The following TEP1 variants were observed in gnomAD, a reference collection of about 807,000 sequenced individuals.
The protein encoded by TEP1 is telomerase associated protein 1, also known as telomerase protein component 1.
In TEP1, 241 loss-of-function variants were observed where a neutral mutation model predicts 306.3. The ratio of observed to expected loss-of-function variants is 0.79; its 90% CI spans 0.71 to 0.88. The LOEUF is 0.88. TEP1 is among the 40% of genes least tolerant of loss of function. The probability of loss-of-function intolerance (pLI) is 0.00; values close to 1 mark genes in which losing one functional copy is unlikely to be tolerated. For missense variants in TEP1, 3,051 were observed against 3,276.1 expected (o/e 0.93, Z 1.68); for synonymous variants, 1,289 against 1,305.5 (o/e 0.99, Z 0.27).
chr14:20,390,875 C>T, intron 14 of TEP1, 63 bp downstream of exon 14: 1 of 1,610,702 alleles, frequency 6.2e-7, no homozygotes, highest in Non-Finnish European at 8.5e-7. Flanking sequence ...TACCAAATAT[C>T]TGGGCTATTC....
chr14:20,405,806 G>C (rs938452890), intron 3 of TEP1, among the ~76,000 whole-genome samples: 1 of 152,122 alleles, frequency 6.6e-6, no homozygotes, highest in African/African-American at 2.4e-5. Flanking sequence ...CTGAGGTCAG[G>C]AGTTCGAGAG....
chr14:20,396,399 T>C (rs1236423627), intron 10 of TEP1, among the ~76,000 whole-genome samples: 1 of 152,208 alleles, frequency 6.6e-6, no homozygotes, highest in African/African-American at 2.4e-5. Flanking sequence ...AAATGAAAGT[T>C]CTTATACTCT....
Position 20,378,058 on chromosome 14 carries a change from C to A in TEP1, c.5687G>T (p.Gly1896Val), listed in dbSNP as rs1566446876. The change falls in exon 39 of 55, where the codon GGT becomes GTT. Residue 1896 changes from glycine to valine, a missense_variant. Gly to Val is a moderately radical substitution (Grantham distance 109). Coordinates refer to ENST00000262715, the MANE Select transcript of TEP1 (RefSeq NM_007110.5). The stretch of plus-strand genomic sequence containing the variant: ...CTCTCCAGCCGTCAGTAACTGGCAA[C>A]CCGCATGCAGGAAAAGCGCAGCAGC... ...FVAAALFLHA[G>V]CQLLTAGEDG... 31 of 1,613,694 alleles carry A rather than the reference C, an allele frequency of 1.9e-5. No individual in the cohort carries two copies. Among genetic ancestry groups the A allele is most frequent in the Non-Finnish European group, 2.5e-5 (29 of 1,180,038 alleles).
Position 20,408,146 on chromosome 14 carries a change from A to G in TEP1, c.294T>C (p.Val98=), listed in dbSNP as rs3748336. 3,507 of 1,585,812 alleles carry G rather than the reference A, an allele frequency of 2.2e-3. 142 individuals carry two copies. The East Asian group carries it at 0.073, about 33-fold the overall frequency. ...AGGAGAGGATGTCTGGGTGGGCAGA[A>G]ACATGTCCATGTGGTTTCTCCATGG... ...LKTMEKPHGH[V]SAHPDILSLE... is the part of the protein sequence containing the mutation. Residue 98 remains valine, a synonymous_variant, in exon 2 of 55, where the codon GTT becomes GTC. Coordinates refer to ENST00000262715, the MANE Select transcript of TEP1 (RefSeq NM_007110.5).
At chr14:20,388,165 G>T in intron 17 of TEP1, 102 bp from the exon 18 acceptor site, 1 of 1,300,686 alleles carries the variant, frequency 7.7e-7, no homozygotes, top group South Asian at 1.3e-5. Flanking sequence ...CAGGTTTGGT[G>T]ACCAGTTAAG....
Position 20,400,991 on chromosome 14 carries a change from T to C in TEP1, c.1542A>G (p.Glu514=). The change falls in exon 9 of 55, where the codon GAA becomes GAG. Residue 514 remains glutamate (E), a synonymous_variant. Transcript: ENST00000262715. ...LRGNKASVWE[E]LIENGKLPFM... is the part of the protein sequence containing the mutation. ...TGGTCAAGGTCACTCTACCAATGAG[T>C]TCCTCCCAGACCGACGCTTTGTTCC... 6.2e-7 allele frequency: 1 copy of C among 1,613,884 alleles called. No individual in the cohort carries two copies. The highest frequency in any genetic ancestry group is 1.1e-5 in the South Asian group (1 of 91,044).
intron 12 of TEP1, 127 bp from the exon 13 acceptor site, chr14:20,391,894 C>T (rs1877760360): frequency 1.1e-6 from 1 of 940,604 alleles, no homozygotes; most frequent in African/African-American, 1.6e-5. Flanking sequence ...ATACCCGCTT[C>T]CACAGCCCAC....
Position 20,382,058 on chromosome 14 carries a change from T to A in TEP1, c.4279A>T (p.Thr1427Ser), listed in dbSNP as rs770822923. ...AGCACTCCGTGCAGCTGGTCCACAGTCAAACCTGAAAACTCAAGCTCTCTG... is the reference window on the plus strand; with the variant it reads ...AGCACTCCGTGCAGCTGGTCCACAGACAAACCTGAAAACTCAAGCTCTCTG... Reference protein sequence around the residue: ...TALEVTRSGLTVDQLHGVLSV... With the variant: ...TALEVTRSGLSVDQLHGVLSV... Residue 1427 changes from threonine (T) to serine (S), a missense_variant, in exon 30 of 55, where the codon ACT becomes TCT. Around this residue, in one of 3 missense-constraint regions of TEP1, gnomAD observed 1,540 missense variants for 1,705.9 expected, o/e 0.90. Transcript: ENST00000262715. 5.0e-6 allele frequency: 8 copies of A among 1,613,908 alleles called. No homozygotes were observed. The highest frequency in any genetic ancestry group is 4.4e-5 in the South Asian group (4 of 91,076).
rs528443455 is a variant in TEP1 at position 20,379,901 on chromosome 14, T to TA, written c.5127+28dup. 5.1e-4 allele frequency: 806 copies of TA among 1,595,732 alleles called. 4 individuals are homozygous for TA. The African/African-American group carries it at 9.5e-3, about 19-fold the overall frequency. The stretch of plus-strand genomic sequence containing the variant: ...GCAGTCTGCATGGATTTTCAGAGGG[T>TA]AAATTCTGCCCCTCCTTGATTGTCA... On this transcript the variant is annotated intron_variant, in intron 35 of 54. Transcript: ENST00000262715.
At chr14:20,371,783 T>C in intron 49 of TEP1, 151 bp from the exon 50 acceptor site, 1 of 957,618 alleles carries the variant, frequency 1.0e-6, no homozygotes. Context: ...TGGTTTTTGT[T>C]TTTTAACATT....
chr14:20,389,196 C>A (rs1299229174), intron 17 of TEP1, 42 bp downstream of exon 17: 14 of 1,583,786 alleles, frequency 8.8e-6, no homozygotes, highest in Non-Finnish European at 1.0e-5. Flanking sequence ...TAAAAACTTT[C>A]CAACAAAGTA....
At position 20,371,565 on chromosome 14, in the gene TEP1, C is replaced by T. The variant is rs1884842360; in HGVS notation, c.7144G>A (p.Gly2382Ser). 1 of 1,606,966 alleles carries T rather than the reference C, an allele frequency of 6.2e-7. No homozygotes were observed. Among genetic ancestry groups the T allele is most frequent in the Non-Finnish European group, 8.5e-7 (1 of 1,178,564 alleles). The change falls in exon 50 of 55, where the codon GGT becomes AGT. Residue 2382 changes from glycine to serine, a missense_variant. Gly to Ser is a moderately conservative substitution (Grantham distance 56). This residue lies in a region of TEP1 where 1,540 missense variants were observed against 1,705.9 expected (regional missense o/e 0.90). Transcript: ENST00000262715. ...GCTTTGGCCAAGATGAGAAAGTGAC[C>T]ATCAGGAGCCCAATCCAGACTTGTC... is the stretch of plus-strand genomic sequence containing the variant. ...VLTSLDWAPD[G>S]HFLILAKADL...
At chr14:20,382,776 C>T (rs2139062078) in intron 27 of TEP1, 61 bp from the exon 28 acceptor site, 1 of 1,512,486 alleles carries the variant, frequency 6.6e-7, no homozygotes, top group East Asian at 2.3e-5. Flanking sequence ...AGCCCTCTGC[C>T]CCAGCACCAG....
chr14:20,378,240 C>T lies in TEP1; in HGVS notation c.5509-4G>A. The T allele has an allele frequency of 1.2e-6, 2 of 1,613,654 alleles. No homozygotes were observed. The highest frequency in any genetic ancestry group is 1.7e-6 in the Non-Finnish European group (2 of 1,180,016). On this transcript the variant is annotated splice_region_variant and splice_polypyrimidine_tract_variant and intron_variant, in intron 38 of 54. Coordinates refer to ENST00000262715, the MANE Select transcript of TEP1 (RefSeq NM_007110.5). ...AGGCTCCGGGTGCCCCCAGGTCCTA[C>T]ACAGGGAGGTAGAAATGGAAACGTG...
At position 20,385,103 on chromosome 14, in the gene TEP1, G is replaced by C; in HGVS notation, c.2989C>G (p.Gln997Glu). 6.2e-7 allele frequency: 1 copy of C among 1,613,984 alleles called. No homozygotes were observed. The highest frequency in any genetic ancestry group is 8.5e-7 in the Non-Finnish European group (1 of 1,179,974). Residue 997 changes from glutamine to glutamate, a missense_variant, in exon 21 of 55, where the codon CAG (glutamine) becomes GAG (glutamate). Transcript: ENST00000262715. ...PDHPHFHWAQ[Q>E]YPSGRSVTEM... ...GTCACAGAGCGCCCTGAAGGGTACTGCTGGGCCTGCGGGGAGGACAGAGAC... is the reference window on the plus strand; with the variant it reads ...GTCACAGAGCGCCCTGAAGGGTACTCCTGGGCCTGCGGGGAGGACAGAGAC...
intron 49 of TEP1, among the ~76,000 whole-genome samples, chr14:20,372,378 G>A (rs55871117): frequency 3.7e-3 from 253 of 68,844 alleles, no homozygotes; most frequent in African/African-American, 0.011. Context: ...GTGTGTGTGT[G>A]TATGTGTGTG....
In TEP1 at chr14:20,372,872, A is replaced by G. The variant is rs752854519; in HGVS notation, c.6952-15T>C. On this transcript the variant is annotated splice_polypyrimidine_tract_variant and intron_variant, in intron 48 of 54. Transcript: ENST00000262715. ...TGGCCTGGAGCCTGGTGTACACAAC[A>G]AGTTCAATTCAGTGCTTCTGATGAG... 23 of 1,614,056 alleles carry G rather than the reference A, an allele frequency of 1.4e-5. No homozygotes were observed. The African/African-American group carries it at 2.4e-4, about 17-fold the overall frequency.
rs1248348069 is a variant in TEP1, at chr14:20,381,273, C to T, written c.4647+40G>A. 1 of 1,590,106 alleles carries T rather than the reference C, an allele frequency of 6.3e-7. No homozygotes were observed. Among genetic ancestry groups the T allele is most frequent in the African/African-American group, 1.3e-5 (1 of 74,452 alleles). On this transcript the variant is annotated intron_variant, in intron 32 of 54. Coordinates refer to ENST00000262715, the MANE Select transcript of TEP1 (RefSeq NM_007110.5). The surrounding 1 kb of genome is among the most constrained non-coding windows in gnomAD (Gnocchi z 4.0). ...GAGGGGTCTCAGAGCAACCAAAGCA[C>T]TCACTTTGGGAAAGGTGTCTATGGG...
In TEP1 at chr14:20,384,690, G is replaced by A; in HGVS notation, c.3131C>T (p.Ser1044Phe). 2 of 1,612,356 alleles carry A rather than the reference G, an allele frequency of 1.2e-6. No individual in the cohort carries two copies. Among genetic ancestry groups the A allele is most frequent in the South Asian group, 1.1e-5 (1 of 91,076 alleles). The change falls in exon 22 of 55, where the codon TCT becomes TTT. Residue 1044 changes from serine (S) to phenylalanine (F), a missense_variant. Ser to Phe is a radical substitution (Grantham distance 155). This residue lies in a region of TEP1 where 1,507 missense variants were observed against 1,550.5 expected (regional missense o/e 0.97). Transcript: ENST00000262715. Reference sequence around the variant, plus strand: ...CTCTTCAGACTCAGAAACAAAGTCAGATTTCCAGGCATCTGGCACAGAGCT... The same window carrying A: ...CTCTTCAGACTCAGAAACAAAGTCAAATTTCCAGGCATCTGGCACAGAGCT... ...FLSSVPDAWK[S>F]DFVSESEEAA...
Sources: gnomAD v4.1 joint callset for allele counts (sites outside exome capture counted in the v4.1 genomes callset) on GRCh38, gnomAD v4.1.1 for gene constraint, gnomAD v4.1.1 regional missense constraint, Gnocchi (gnomAD v3.1) non-coding constraint, MANE v1.5 for transcripts, NCBI Gene and HGNC (gene_info 2026-07-23, HGNC 2026-07-21) for gene names.